Variants in DPP6 observed in about 807,000 individuals in gnomAD.
DPP6 encodes the protein A-type potassium channel modulatory protein DPP6.
A neutral mutation model predicts 122.6 loss-of-function variants in DPP6; 69 were observed. The observed-to-expected ratio is 0.56, with a 90% confidence interval of 0.46 to 0.69. The LOEUF (loss-of-function observed/expected upper bound fraction) is 0.69, where lower values mean the gene tolerates loss of function less well. Among genes scored for constraint, DPP6 ranks in the 30% least tolerant of loss-of-function variants. The pLI is 0.00. For synonymous variants in DPP6, 418 were observed against 433.1 expected (o/e 0.97, Z 0.43); for missense variants, 928 against 1,116.9 (o/e 0.83, Z 2.41).
upstream of DPP6, among the ~76,000 whole-genome samples, chr7:153,885,876 T>C (rs763021956): frequency 6.6e-6 from 1 of 152,192 alleles, no homozygotes. Context: ...TGAATATACA[T>C]ATATTAATAC....
intron 8 of DPP6, among the ~76,000 whole-genome samples, chr7:154,728,606 G>C (rs1194125132): frequency 6.6e-6 from 1 of 152,162 alleles, no homozygotes; most frequent in Non-Finnish European, 1.5e-5. Context: ...TCCACCCTCT[G>C]TCTTAGTTTG....
chr7:153,792,802 G>A, the DPP6 span, among the ~76,000 whole-genome samples: 1 of 151,750 alleles, frequency 6.6e-6, no homozygotes, highest in Non-Finnish European at 1.5e-5. Flanking sequence ...CATGTGTTGT[G>A]GGAGGGACCC....
intron 10 of DPP6, among the ~76,000 whole-genome samples, chr7:154,775,468 A>T (rs1525757): frequency 6.6e-6 from 1 of 151,896 alleles, no homozygotes; most frequent in Non-Finnish European, 1.5e-5. Flanking sequence ...TTCTACTGGG[A>T]GTGGTCACCA....
chr7:154,638,629 C>T (rs1254871885), intron 6 of DPP6, among the ~76,000 whole-genome samples: 1 of 149,800 alleles, frequency 6.7e-6, no homozygotes, highest in Admixed American at 6.6e-5. Flanking sequence ...GCAGGCGTCC[C>T]CCACACGACC....
At position 154,892,953 on chromosome 7, in the gene DPP6, G is replaced by A. The variant is rs554149195; in HGVS notation, c.*473G>A. ...TACAGCACCATTGTTTTAGCAGTGC[G>A]TGTTCATATATGGGCTTGCTACTTC... On this transcript the variant is annotated 3_prime_UTR_variant, in exon 26 of 26. Transcript: ENST00000377770. 2 of 519,984 alleles carry A rather than the reference G, an allele frequency of 3.8e-6. No homozygotes were observed. Among genetic ancestry groups the A allele is most frequent in the Middle Eastern group, 3.2e-4 (1 of 3,168 alleles). The allele number at this position is 519,984 out of a possible 1,614,324, so 32.2% of individuals were successfully genotyped here.
At chr7:154,614,708 T>C (rs1253959372) in intron 5 of DPP6, among the ~76,000 whole-genome samples, 2 of 152,224 alleles carry the variant, frequency 1.3e-5, no homozygotes, top group Non-Finnish European at 2.9e-5. Flanking sequence ...TTTCATTTAA[T>C]TGAAGCATTC....
chr7:154,144,732 A>G (rs1796007609), intron 1 of DPP6, among the ~76,000 whole-genome samples: 1 of 152,124 alleles, frequency 6.6e-6, no homozygotes, highest in Admixed American at 6.6e-5. Context: ...GGGTTACATG[A>G]TGTCATAAGG....
At chr7:154,323,554 G>A (rs1048807942) in intron 1 of DPP6, among the ~76,000 whole-genome samples, 1 of 152,136 alleles carries the variant, frequency 6.6e-6, no homozygotes, top group African/African-American at 2.4e-5. Context: ...GCTGCTTTTG[G>A]TCCCCTAACC....
At chr7:154,205,780 AAAAATT>A (rs1435829259) in intron 1 of DPP6, among the ~76,000 whole-genome samples, 4 of 151,150 alleles carry the variant, frequency 2.6e-5, no homozygotes, top group African/African-American at 9.8e-5. Flanking sequence ...AAAAAAAAAA[AAAAATT>A]AATTAATTAA....
rs551077091 is a variant in DPP6, at chr7:153,974,607, CTCTT to C, written c.51+86879_51+86882del. ...TAAGCGAGAAAATCTTCCACAATTC[CTCTT>C]TCTTTTGGATTCTCTCCTGTTGTCT... On this transcript the variant is annotated intron_variant, in intron 1 of 25. Coordinates refer to the DPP6 transcript ENST00000404039. 8.9e-3 allele frequency among the ~76,000 whole-genome samples: 1,351 copies of C among 152,288 alleles called. 7 individuals are homozygous for C. Among genetic ancestry groups the C allele is most frequent in the Non-Finnish European group, 0.015 (989 of 68,020 alleles).
chr7:154,116,754 T>C lies in DPP6; in HGVS notation c.243+63691T>C, dbSNP rs553994009. On this transcript the variant is annotated intron_variant, in intron 1 of 25. Coordinates refer to ENST00000377770, the MANE Select transcript of DPP6 (RefSeq NM_130797.4). ...CAAGCCAAATGTTTGTTTAATCAGATACCTCAATTAGTCAAGACCTGTCTC... is the reference window on the plus strand; with the variant it reads ...CAAGCCAAATGTTTGTTTAATCAGACACCTCAATTAGTCAAGACCTGTCTC... Among the ~76,000 whole-genome samples, 49 of 152,364 alleles carry C rather than the reference T, an allele frequency of 3.2e-4. 1 individual carries two copies. The South Asian group carries it at 3.3e-3, about 10-fold the overall frequency.
chr7:153,760,669 T>C, the DPP6 span, among the ~76,000 whole-genome samples: 2 of 152,186 alleles, frequency 1.3e-5, no homozygotes, highest in African/African-American at 2.4e-5. Flanking sequence ...GGGCTAATTA[T>C]CCCCACTACA....
intron 1 of DPP6, among the ~76,000 whole-genome samples, chr7:154,076,160 A>T (rs560796962): frequency 9.8e-4 from 146 of 148,960 alleles, no homozygotes; most frequent in Middle Eastern, 6.8e-3. Flanking sequence ...ATTTTTTTTT[A>T]AAAAAAAGGC....
At chr7:154,402,455 G>A (rs539510901) in intron 1 of DPP6, among the ~76,000 whole-genome samples, 23 of 150,708 alleles carry the variant, frequency 1.5e-4, no homozygotes, top group African/African-American at 4.2e-4. Flanking sequence ...GTAGGGACAT[G>A]GATGAATTTG....
chr7:154,516,939 C>G (rs1180022493), intron 3 of DPP6, among the ~76,000 whole-genome samples: 1 of 152,168 alleles, frequency 6.6e-6, no homozygotes, highest in African/African-American at 2.4e-5. Context: ...CTCGAATTTT[C>G]TGATTTCACT....
At chr7:154,137,501 T>C (rs1466961202) in intron 1 of DPP6, among the ~76,000 whole-genome samples, 3 of 151,676 alleles carry the variant, frequency 2.0e-5, no homozygotes, top group Admixed American at 1.3e-4. Flanking sequence ...AAAATTGGAA[T>C]CTGTGAAGAC....
chr7:154,744,479 T>G (rs1409017014), intron 8 of DPP6, among the ~76,000 whole-genome samples: 1 of 152,208 alleles, frequency 6.6e-6, no homozygotes, highest in Non-Finnish European at 1.5e-5. Context: ...CGGTGTTGAT[T>G]TGTGGGAATT....
At chr7:154,588,902 G>C (rs1832639468) in intron 5 of DPP6, among the ~76,000 whole-genome samples, 1 of 152,180 alleles carries the variant, frequency 6.6e-6, no homozygotes, top group Admixed American at 6.5e-5. Context: ...TGAAAAAACA[G>C]AATCTGGATG....
chr7:154,660,231 T>C (rs948029271), intron 6 of DPP6, among the ~76,000 whole-genome samples: 12 of 149,782 alleles, frequency 8.0e-5, no homozygotes, highest in African/African-American at 2.2e-4. Context: ...TTGGCCGTAG[T>C]GTTCATATAG....
Sources: allele counts gnomAD v4.1 joint callset (sites outside exome capture counted in the v4.1 genomes callset), GRCh38; gene constraint gnomAD v4.1.1; transcripts MANE v1.5; gene names NCBI Gene and HGNC (gene_info 2026-07-23, HGNC 2026-07-21).